Variants in GABBR1 observed in about 807,000 individuals in gnomAD.
The protein encoded by GABBR1 is gamma-aminobutyric acid type B receptor subunit 1.
A neutral mutation model predicts 117.7 loss-of-function variants in GABBR1; 35 were observed. The ratio of observed to expected loss-of-function variants is 0.30; its 90% CI spans 0.23 to 0.39. The LOEUF (loss-of-function observed/expected upper bound fraction) is 0.39. GABBR1 is among the 10% of genes least tolerant of loss of function. GABBR1 has a pLI of 1.00. For synonymous variants in GABBR1, 442 were observed against 486.6 expected (o/e 0.91, Z 1.21); for missense variants, 709 against 1,241.8 (o/e 0.57, Z 6.45).
At chr6:29,603,841 G>A (rs927141415) in intron 22 of GABBR1, 125 bp from the exon 23 acceptor site, 10 of 578,820 alleles carry the variant, frequency 1.7e-5, no homozygotes, top group Admixed American at 3.7e-5. Flanking sequence ...GGGGGAGGAC[G>A]TAGGGTAAGT....
In GABBR1 at chr6:29,623,582, C is replaced by A; in HGVS notation, c.793-107G>T. 1 of 1,168,542 alleles carries A rather than the reference C, an allele frequency of 8.6e-7. No homozygotes were observed. The highest frequency in any genetic ancestry group is 1.2e-6 in the Non-Finnish European group (1 of 826,934). 72.4% of individuals were successfully genotyped at this position (1,168,542 alleles called of 1,614,324 possible). ...CCTGCCTTTGGGTTTCTCTTCCTTA[C>A]TCTCTCCAAACCTCCCCACCTCTGG... On this transcript the variant is annotated intron_variant, in intron 7 of 22. Transcript: ENST00000377034. The surrounding 1 kb of genome is among the most constrained non-coding windows in gnomAD (Gnocchi z 6.2).
chr6:29,621,067 C>G lies in GABBR1; in HGVS notation c.1323+34G>C, dbSNP rs1260552104. On this transcript the variant is annotated intron_variant, in intron 11 of 22. Transcript: ENST00000377034. The surrounding 1 kb of genome is among the most constrained non-coding windows in gnomAD (Gnocchi z 5.0). ...GGCCCCCTCAGTCCTCTCCACCCTC[C>G]CAGGTGCCAGACTGCAAGTCCCCAC... 43 of 1,590,814 alleles carry G rather than the reference C, an allele frequency of 2.7e-5. No homozygotes were observed. Among genetic ancestry groups the G allele is most frequent in the Non-Finnish European group, 3.5e-5 (41 of 1,167,410 alleles).
chr6:29,622,281 G>A lies in GABBR1; in HGVS notation c.964-76C>T. 1 of 941,794 alleles carries A rather than the reference G, an allele frequency of 1.1e-6. No homozygotes were observed. The highest frequency in any genetic ancestry group is 1.7e-6 in the Non-Finnish European group (1 of 583,346). The allele number at this position is 941,794 out of a possible 1,614,324, so 58.3% of individuals were successfully genotyped here. A position where few individuals can be genotyped will look rare whatever the true frequency, so the allele number is the denominator to read the frequency against. On this transcript the variant is annotated intron_variant, in intron 8 of 22. Coordinates refer to ENST00000377034, the MANE Select transcript of GABBR1 (RefSeq NM_001470.4). The surrounding 1 kb of genome is among the most constrained non-coding windows in gnomAD (Gnocchi z 4.6). ...ATAAAGACCAGAGAGGTTAACTGGG[G>A]ATTTCAGAGCAATACTCAGATAGAG...
rs1319566201 is a variant in GABBR1 at position 29,611,881 on chromosome 6, C to T, written c.1630+670G>A. Among the ~76,000 whole-genome samples, 2 of 152,192 alleles carry T rather than the reference C, an allele frequency of 1.3e-5. No homozygotes were observed. The highest frequency in any genetic ancestry group is 4.8e-5 in the African/African-American group (2 of 41,450). On this transcript the variant is annotated intron_variant, in intron 13 of 22. Coordinates refer to ENST00000377034, the MANE Select transcript of GABBR1 (RefSeq NM_001470.4). The surrounding 1 kb of genome is among the most constrained non-coding windows in gnomAD (Gnocchi z 4.6). ...AAAATAGCGGTTCTCCTAGATTCAG[C>T]TTTCTTGAGTCTAACTGACAGGTCA...
Position 29,603,083 on chromosome 6 carries a change from A to T in GABBR1, c.*460T>A. On this transcript the variant is annotated 3_prime_UTR_variant, in exon 23 of 23. Transcript: ENST00000377034. ...AAGTATAGAAGGGCAAGTAAGATGG[A>T]AAGAGATTATGACAGTGGAGAAAAG... is the stretch of plus-strand genomic sequence containing the variant. The T allele has an allele frequency of 2.2e-6, 1 of 458,378 alleles. No individual in the cohort carries two copies. Among genetic ancestry groups the T allele is most frequent in the Non-Finnish European group, 4.4e-6 (1 of 227,898 alleles). The allele number at this position is 458,378 out of a possible 1,614,324, so 28.4% of individuals were successfully genotyped here.
chr6:29,602,744 A>T lies in GABBR1; in HGVS notation c.*799T>A, dbSNP rs895071584. ...ATAAACATGGACGTGTGCAAATAGG[A>T]AAGACATGACTCAGCATGCTAGACA... On this transcript the variant is annotated 3_prime_UTR_variant, in exon 23 of 23. Coordinates refer to ENST00000377034, the MANE Select transcript of GABBR1 (RefSeq NM_001470.4). 3 of 342,278 alleles carry T rather than the reference A, an allele frequency of 8.8e-6. No homozygotes were observed. Among genetic ancestry groups the T allele is most frequent in the Middle Eastern group, 1.1e-3 (1 of 944 alleles). The allele number at this position is 342,278 out of a possible 1,614,324, so 21.2% of individuals were successfully genotyped here.
intron 6 of GABBR1, among the ~76,000 whole-genome samples, chr6:29,624,880 C>T (rs1045013145): frequency 6.6e-6 from 1 of 151,990 alleles, no homozygotes; most frequent in Non-Finnish European, 1.5e-5. Context: ...TATGACATTT[C>T]AGAAGCTGCT....
chr6:29,616,509 C>A (rs1404493451), intron 11 of GABBR1, among the ~76,000 whole-genome samples: 1 of 151,470 alleles, frequency 6.6e-6, no homozygotes, highest in East Asian at 2.0e-4. Flanking sequence ...CATGGTGAAA[C>A]CCCATGTCCA....
At chr6:29,608,371 T>C (rs1762172356) in intron 16 of GABBR1, 1 of 480,046 alleles carries the variant, frequency 2.1e-6, no homozygotes. Flanking sequence ...AGGCCTGCCA[T>C]GGCAACCTTG....
At position 29,603,517 on chromosome 6, in the gene GABBR1, C is replaced by T. The variant is rs747136943; in HGVS notation, c.*26G>A. The T allele has an allele frequency of 1.3e-6, 2 of 1,539,048 alleles. No homozygotes were observed. The highest frequency in any genetic ancestry group is 2.7e-5 in the African/African-American group (2 of 72,774). The stretch of plus-strand genomic sequence containing the variant: ...TCCCCTCTCCCTTTCCCTCCCCCTA[C>T]TGGCCTGTCCTCCCTCACCCTACCC... On this transcript the variant is annotated 3_prime_UTR_variant, in exon 23 of 23. Transcript: ENST00000377034.
chr6:29,631,357 A>C lies in GABBR1; in HGVS notation c.289+39T>G, dbSNP rs780088974. On this transcript the variant is annotated intron_variant, in intron 3 of 22. Coordinates refer to ENST00000377034, the MANE Select transcript of GABBR1 (RefSeq NM_001470.4). This position sits in a 1 kb window ranked among gnomAD's most constrained non-coding sequence, Gnocchi z 5.9. ...TGCTAAGTTTGCGGCAGGAAAAGGA[A>C]TAGTCTTGAAGAGGGGAGGGGCTTC... 14 of 1,586,252 alleles carry C rather than the reference A, an allele frequency of 8.8e-6. 1 individual carries two copies. The highest frequency in any genetic ancestry group is 1.3e-5 in the African/African-American group (1 of 74,412).
At chr6:29,610,874 C>G in intron 14 of GABBR1, 50 bp downstream of exon 14, 1 of 1,500,628 alleles carries the variant, frequency 6.7e-7, no homozygotes, top group Non-Finnish European at 9.3e-7. Flanking sequence ...TGACTTTTTC[C>G]CTTGACTGTC....
rs1764830647 is a variant in GABBR1 at position 29,630,362 on chromosome 6, A to G, written c.475+96T>C. On this transcript the variant is annotated intron_variant, in intron 4 of 22. Transcript: ENST00000377034. This position sits in a 1 kb window ranked among gnomAD's most constrained non-coding sequence, Gnocchi z 4.9. ...TTCCAGTGTCCTCCCCCACATTTTT[A>G]TAGCTCTCCATTCTTTCCCATTATC... 1 of 1,135,452 alleles carries G rather than the reference A, an allele frequency of 8.8e-7. No homozygotes were observed. The highest frequency in any genetic ancestry group is 1.5e-5 in the African/African-American group (1 of 64,796). The allele number at this position is 1,135,452 out of a possible 1,614,324, so 70.3% of individuals were successfully genotyped here.
chr6:29,625,327 C>G (rs1016714267), intron 6 of GABBR1, among the ~76,000 whole-genome samples: 2 of 152,176 alleles, frequency 1.3e-5, no homozygotes, highest in African/African-American at 4.8e-5. Context: ...TCTCCCACAG[C>G]CCCTCAGTGC....
At chr6:29,626,760 T>C (rs1410959939) in intron 6 of GABBR1, among the ~76,000 whole-genome samples, 2 of 151,970 alleles carry the variant, frequency 1.3e-5, no homozygotes, top group African/African-American at 4.8e-5. Flanking sequence ...CTTCTCCTTG[T>C]ATGTTGACTC....
rs1383547114 is a variant in GABBR1 at position 29,621,799 on chromosome 6, T to C, written c.1084A>G (p.Ile362Val). The C allele has an allele frequency of 6.2e-7, 1 of 1,614,082 alleles. No homozygotes were observed. The highest frequency in any genetic ancestry group is 2.2e-5 in the East Asian group (1 of 44,890). The change falls in exon 10 of 23, where the codon ATC becomes GTC. Residue 362 changes from isoleucine (I) to valine (V), a missense_variant. Coordinates refer to ENST00000377034, the MANE Select transcript of GABBR1 (RefSeq NM_001470.4). This position sits in a 1 kb window ranked among gnomAD's most constrained non-coding sequence, Gnocchi z 5.0. ...TCAGTCTCATAGAAAAGTCCCACGA[T>C]GATTCGGGCATCCTGGCGCTACAAC... ...KNLKRQDARI[I>V]VGLFYETEAR...
Position 29,630,254 on chromosome 6 carries a change from C to A in GABBR1, c.475+204G>T. On this transcript the variant is annotated intron_variant, in intron 4 of 22. Coordinates refer to ENST00000377034, the MANE Select transcript of GABBR1 (RefSeq NM_001470.4). The surrounding 1 kb of genome is among the most constrained non-coding windows in gnomAD (Gnocchi z 4.9). ...TTTTTTAAAAGGTAAAGGAAGGAAG[C>A]CCCCAACCTACAGAGGATACCGGGG... 1 of 471,610 alleles carries A rather than the reference C, an allele frequency of 2.1e-6. No individual in the cohort carries two copies. The highest frequency in any genetic ancestry group is 3.8e-6 in the Non-Finnish European group (1 of 264,250). 29.2% of individuals were successfully genotyped at this position (471,610 alleles called of 1,614,324 possible). A position where few individuals can be genotyped will look rare whatever the true frequency, so the allele number is the denominator to read the frequency against.
Position 29,623,883 on chromosome 6 carries a change from T to G in GABBR1, c.792+7A>C, listed in dbSNP as rs1296665625. ...CCCCATCTTCTGACCCCCATAGCCCTGCTTACCACAATGAGGTTCCACATC... is the reference window on the plus strand; with the variant it reads ...CCCCATCTTCTGACCCCCATAGCCCGGCTTACCACAATGAGGTTCCACATC... On this transcript the variant is annotated splice_region_variant and intron_variant, in intron 7 of 22. Coordinates refer to ENST00000377034, the MANE Select transcript of GABBR1 (RefSeq NM_001470.4). The surrounding 1 kb of genome is among the most constrained non-coding windows in gnomAD (Gnocchi z 6.2). 2.5e-6 allele frequency: 4 copies of G among 1,612,128 alleles called. No individual in the cohort carries two copies. Among genetic ancestry groups the G allele is most frequent in the Admixed American group, 3.3e-5 (2 of 59,898 alleles).
chr6:29,627,955 C>T lies in GABBR1; in HGVS notation c.497-309G>A, dbSNP rs1764498646. 1 of 1,342,822 alleles carries T rather than the reference C, an allele frequency of 7.4e-7. No individual in the cohort carries two copies. Among genetic ancestry groups the T allele is most frequent in the Non-Finnish European group, 9.5e-7 (1 of 1,056,226 alleles). The allele number at this position is 1,342,822 out of a possible 1,614,324, so 83.2% of individuals were successfully genotyped here. On this transcript the variant is annotated intron_variant, in intron 5 of 22. Transcript: ENST00000377034. This position sits in a 1 kb window ranked among gnomAD's most constrained non-coding sequence, Gnocchi z 4.4. The stretch of plus-strand genomic sequence containing the variant: ...AGAAGCAGGGAAGGTTGGCTTCCTA[C>T]GGCCCCCGCGGCTCTCGCCACCGTC...
Sources: allele counts gnomAD v4.1 joint callset (sites outside exome capture counted in the v4.1 genomes callset), GRCh38; gene constraint gnomAD v4.1.1; non-coding constraint Gnocchi (gnomAD v3.1); transcripts MANE v1.5; gene names NCBI Gene and HGNC (gene_info 2026-07-23, HGNC 2026-07-21).